Variants in OR52K1 observed in about 807,000 individuals in gnomAD.
OR52K1 encodes olfactory receptor 52K1.
OR52K1 carries 10 observed loss-of-function variants against 8.7 expected under a neutral mutation model. The observed-to-expected ratio is 1.15, with a 90% CI of 0.71 to 1.95. OR52K1 has a LOEUF of 1.95. Ranked by LOEUF, OR52K1 falls within the 30% of genes most tolerant of loss-of-function variation. OR52K1 has a pLI of 0.00. For missense variants in OR52K1, 431 were observed against 397.2 expected (o/e 1.08, Z -0.72); for synonymous variants, 203 against 148.5 (o/e 1.37, Z -2.67).
Position 4,489,014 on chromosome 11 carries a change from T to A in OR52K1, c.114T>A (p.Thr38=), listed in dbSNP as rs755249168. The change falls in exon 2 of 2, where the codon ACT becomes ACA. Residue 38 remains threonine (T), a synonymous_variant. Coordinates refer to ENST00000641528, the MANE Select transcript of OR52K1 (RefSeq NM_001005171.3). ...CCATCCCCTTCTGCTTTGCTTATAC[T>A]CTGGCCCTGCTAGGCAACTGTACCC... ...WISIPFCFAY[T]LALLGNCTLL... is the part of the protein sequence containing the mutation. 6.2e-7 allele frequency: 1 copy of A among 1,614,074 alleles called. No individual in the cohort carries two copies. Among genetic ancestry groups the A allele is most frequent in the African/African-American group, 1.3e-5 (1 of 74,930 alleles).
chr11:4,488,257 C>T (rs1240223013), intron 1 of OR52K1, among the ~76,000 whole-genome samples: 1 of 152,220 alleles, frequency 6.6e-6, no homozygotes, highest in Admixed American at 6.5e-5. Flanking sequence ...AGTCACTAGT[C>T]ACATGTGGCT....
chr11:4,486,803 A>C (rs1846324328), intron 1 of OR52K1, among the ~76,000 whole-genome samples: 1 of 152,246 alleles, frequency 6.6e-6, no homozygotes, highest in South Asian at 2.1e-4. Context: ...CATTAAATTT[A>C]GTTAGTATAT....
chr11:4,489,116 C>T lies in OR52K1; in HGVS notation c.216C>T (p.Asp72=). ...YLFLAMLATI[D]LVLSSTTLPK... ...TTCTGGCCATGTTGGCAACCATTGA[C>T]TTGGTTCTTTCTTCTACAACGCTGC... The change falls in exon 2 of 2, where the codon GAC becomes GAT. Residue 72 remains aspartate, a synonymous_variant. Coordinates refer to ENST00000641528, the MANE Select transcript of OR52K1 (RefSeq NM_001005171.3). 1 of 1,614,234 alleles carries T rather than the reference C, an allele frequency of 6.2e-7. No homozygotes were observed. The highest frequency in any genetic ancestry group is 2.2e-5 in the East Asian group (1 of 44,880).
Position 4,489,177 on chromosome 11 carries a change from G to T in OR52K1, c.277G>T (p.Glu93Ter). 2.5e-6 allele frequency: 4 copies of T among 1,614,196 alleles called. No individual in the cohort carries two copies. The highest frequency in any genetic ancestry group is 3.4e-6 in the Non-Finnish European group (4 of 1,180,034). Reference protein sequence around the residue: ...MLAIFWFRDQEINFFACLVQM... With the variant: ...MLAIFWFRDQ Reference sequence around the variant, plus strand: ...TGCCATATTCTGGTTCAGGGATCAGGAGATCAACTTCTTTGCCTGTCTGGT... The same window carrying T: ...TGCCATATTCTGGTTCAGGGATCAGTAGATCAACTTCTTTGCCTGTCTGGT... The change falls in exon 2 of 2, where the codon GAG becomes TAG. Residue 93 changes from glutamate (E) to a stop codon, truncating the protein, a stop_gained. Coordinates refer to ENST00000641528, the MANE Select transcript of OR52K1 (RefSeq NM_001005171.3). LOFTEE classifies it high-confidence loss of function.
At position 4,489,784 on chromosome 11, in the gene OR52K1, G is replaced by A; in HGVS notation, c.884G>A (p.Gly295Glu). ...CCCATGGTCAATCCTATCATATATG[G>A]AGTCAAGACCAAGCAGATTCGTGAG... ...FPPMVNPIIY[G>E]VKTKQIREYV... The change falls in exon 2 of 2, where the codon GGA (glycine) becomes GAA (glutamate). Residue 295 changes from glycine (G) to glutamate (E), a missense_variant. By Grantham distance (98) the Gly-to-Glu change is moderately conservative (BLOSUM62 -2). Coordinates refer to ENST00000641528, the MANE Select transcript of OR52K1 (RefSeq NM_001005171.3). The A allele has an allele frequency of 6.2e-7, 1 of 1,613,970 alleles. No individual in the cohort carries two copies. Among genetic ancestry groups the A allele is most frequent in the South Asian group, 1.1e-5 (1 of 91,064 alleles).
intron 1 of OR52K1, among the ~76,000 whole-genome samples, chr11:4,483,586 C>G (rs1846297435): frequency 1.3e-5 from 2 of 151,962 alleles, no homozygotes; most frequent in South Asian, 4.2e-4. Flanking sequence ...CTATTAGACA[C>G]CCTGTCTTTT....
chr11:4,484,583 G>A (rs1479806924), intron 1 of OR52K1, among the ~76,000 whole-genome samples: 1 of 152,044 alleles, frequency 6.6e-6, no homozygotes, highest in African/African-American at 2.4e-5. Flanking sequence ...GAAGATATGT[G>A]GGGATATCGA....
rs2133110648 is a variant in OR52K1 at position 4,492,395 on chromosome 11, C to T, written c.*2550C>T. 6.6e-6 allele frequency: 1 copy of T among 152,290 alleles called. No homozygotes were observed. The highest frequency in any genetic ancestry group is 3.4e-3 in the Middle Eastern group (1 of 294). 9.4% of individuals were successfully genotyped at this position (152,290 alleles called of 1,614,324 possible). A position where few individuals can be genotyped will look rare whatever the true frequency, so the allele number is the denominator to read the frequency against. On this transcript the variant is annotated 3_prime_UTR_variant, in exon 2 of 2. Coordinates refer to ENST00000641528, the MANE Select transcript of OR52K1 (RefSeq NM_001005171.3). ...GAAGATCCATGGAGCAGATGTGAATCTGACTCACTGCCTGTAGCATAGTCA... is the reference window on the plus strand; with the variant it reads ...GAAGATCCATGGAGCAGATGTGAATTTGACTCACTGCCTGTAGCATAGTCA...
chr11:4,487,602 C>T (rs1334784550), intron 1 of OR52K1, among the ~76,000 whole-genome samples: 1 of 152,136 alleles, frequency 6.6e-6, no homozygotes, highest in Non-Finnish European at 1.5e-5. Context: ...TTACTTAAGA[C>T]ATGGGAATCG....
In OR52K1 at chr11:4,488,763, A is replaced by G. The variant is rs1846340403; in HGVS notation, c.-138A>G. 6.1e-6 allele frequency: 4 copies of G among 653,182 alleles called. No homozygotes were observed. Among genetic ancestry groups the G allele is most frequent in the Non-Finnish European group, 1.1e-5 (4 of 371,726 alleles). The allele number at this position is 653,182 out of a possible 1,614,324, so 40.5% of individuals were successfully genotyped here. On this transcript the variant is annotated 5_prime_UTR_variant, in exon 2 of 2. Transcript: ENST00000641528. ...TGAAGGCTGCTAGGTTATTTTGTTT[A>G]AAGTCTAGCAATGGAAACAAGAGGT...
At position 4,491,533 on chromosome 11, in the gene OR52K1, A is replaced by C. The variant is rs1363816862; in HGVS notation, c.*1688A>C. On this transcript the variant is annotated 3_prime_UTR_variant, in exon 2 of 2. Coordinates refer to ENST00000641528, the MANE Select transcript of OR52K1 (RefSeq NM_001005171.3). ...AATAGCAAAGACACGGAATCAACCT[A>C]AAGGCCTATCAACAGTTGACTGGAT... 1 of 152,218 alleles carries C rather than the reference A, an allele frequency of 6.6e-6. No individual in the cohort carries two copies. The highest frequency in any genetic ancestry group is 1.9e-4 in the East Asian group (1 of 5,198). 9.4% of individuals were successfully genotyped at this position (152,218 alleles called of 1,614,324 possible).
chr11:4,484,490 T>C (rs1003963866), intron 1 of OR52K1, among the ~76,000 whole-genome samples: 4 of 152,090 alleles, frequency 2.6e-5, no homozygotes. Context: ...GGCAGGATGT[T>C]ACGTTCTGAG....
rs1056658327 is a variant in OR52K1, at chr11:4,491,014, A to G, written c.*1169A>G. On this transcript the variant is annotated 3_prime_UTR_variant, in exon 2 of 2. Transcript: ENST00000641528. ...ATCTAGGTTTGTGTAAATACACTCT[A>G]TGATGTTCACAGGTTGATAAAATCA... The G allele has an allele frequency of 9.9e-5, 15 of 152,206 alleles. No individual in the cohort carries two copies. The highest frequency in any genetic ancestry group is 3.4e-4 in the African/African-American group (14 of 41,450). 9.4% of individuals were successfully genotyped at this position (152,206 alleles called of 1,614,324 possible).
rs1446078161 is a variant in OR52K1, at chr11:4,488,920, C to T, written c.20C>T (p.Thr7Ile). ...GGAGCCATGCTTCCCTCTAATATCA[C>T]CTCAACACATCCAGCTGTCTTTTTG... MLPSNI[T>I]STHPAVFLLV... is the part of the protein sequence containing the mutation. Residue 7 changes from threonine to isoleucine, a missense_variant, in exon 2 of 2, where the codon ACC becomes ATC. Thr to Ile is a moderately conservative substitution (Grantham distance 89). Transcript: ENST00000641528. 4 of 1,613,556 alleles carry T rather than the reference C, an allele frequency of 2.5e-6. No individual in the cohort carries two copies. Among genetic ancestry groups the T allele is most frequent in the East Asian group, 2.2e-5 (1 of 44,894 alleles).
In OR52K1 at chr11:4,488,190, T is replaced by C. The variant is rs559508558; in HGVS notation, c.-328-383T>C. 7.9e-5 allele frequency among the ~76,000 whole-genome samples: 12 copies of C among 152,390 alleles called. No individual in the cohort carries two copies. In the East Asian group the frequency reaches 2.1e-3, roughly 27 times the overall value. On this transcript the variant is annotated intron_variant, in intron 1 of 1. Coordinates refer to ENST00000641528, the MANE Select transcript of OR52K1 (RefSeq NM_001005171.3). Reference sequence around the variant, plus strand: ...GAATACTGAGAAGATGTGAAAGATATACTGTAGAGCAGTGGTCTTAAACAG... The same window carrying C: ...GAATACTGAGAAGATGTGAAAGATACACTGTAGAGCAGTGGTCTTAAACAG...
chr11:4,488,691 A>C lies in OR52K1; in HGVS notation c.-210A>C, dbSNP rs1846339747. On this transcript the variant is annotated 5_prime_UTR_variant, in exon 2 of 2. Coordinates refer to ENST00000641528, the MANE Select transcript of OR52K1 (RefSeq NM_001005171.3). ...ATATCCCATCTACTCAATGAGATTCAAATTTCTTTGAGGGTAGAAAATATG... is the reference window on the plus strand; with the variant it reads ...ATATCCCATCTACTCAATGAGATTCCAATTTCTTTGAGGGTAGAAAATATG... The C allele has an allele frequency of 5.4e-6, 3 of 554,270 alleles. No individual in the cohort carries two copies. The highest frequency in any genetic ancestry group is 9.5e-6 in the Non-Finnish European group (3 of 314,294). 34.3% of individuals were successfully genotyped at this position (554,270 alleles called of 1,614,324 possible).
chr11:4,484,948 C>G (rs1846309703), intron 1 of OR52K1, among the ~76,000 whole-genome samples: 1 of 151,982 alleles, frequency 6.6e-6, no homozygotes, highest in Non-Finnish European at 1.5e-5. Flanking sequence ...AAAAAGTTAG[C>G]CATGTTAACA....
Position 4,488,944 on chromosome 11 carries a change from T to C in OR52K1, c.44T>C (p.Leu15Ser), listed in dbSNP as rs151009500. The C allele has an allele frequency of 1.2e-6, 2 of 1,614,058 alleles. No individual in the cohort carries two copies. The highest frequency in any genetic ancestry group is 1.7e-6 in the Non-Finnish European group (2 of 1,179,964). Residue 15 changes from leucine (L) to serine (S), a missense_variant, in exon 2 of 2, where the codon TTG becomes TCG. By Grantham distance (145) the Leu-to-Ser change is moderately radical. Transcript: ENST00000641528. ...NITSTHPAVFLLVGIPGLEHL... is the reference protein window; with the variant it reads ...NITSTHPAVFSLVGIPGLEHL... ...ACCTCAACACATCCAGCTGTCTTTT[T>C]GTTGGTAGGAATTCCTGGTTTGGAA...
chr11:4,488,065 C>T (rs1846334683), intron 1 of OR52K1, among the ~76,000 whole-genome samples: 1 of 152,162 alleles, frequency 6.6e-6, no homozygotes, highest in African/African-American at 2.4e-5. Context: ...GGGAGAGTCA[C>T]ATGCACAGGG....
Sources: gnomAD v4.1 joint callset for allele counts (sites outside exome capture counted in the v4.1 genomes callset) on GRCh38, gnomAD v4.1.1 for gene constraint, MANE v1.5 for transcripts, NCBI Gene and HGNC (gene_info 2026-07-23, HGNC 2026-07-21) for gene names.